The following SFSWAP variants were observed in gnomAD, a reference collection of about 807,000 sequenced individuals.
SFSWAP encodes the protein splicing factor SWAP.
Under a neutral mutation model 100.7 loss-of-function variants are expected in SFSWAP, and 17 were observed. The observed-to-expected ratio is 0.17, with a 90% CI of 0.12 to 0.25. The LOEUF (loss-of-function observed/expected upper bound fraction) is 0.25, where lower values mean the gene tolerates loss of function less well. Among genes scored for constraint, SFSWAP ranks in the 10% least tolerant of loss-of-function variants. SFSWAP has a pLI of 1.00. For synonymous variants in SFSWAP, 504 were observed against 510.1 expected, an observed-to-expected ratio of 0.99 and a Z score of 0.16; for missense variants, 1,005 against 1,262.6, an observed-to-expected ratio of 0.80 and a Z score of 3.09.
In SFSWAP at chr12:131,730,783, A is replaced by G. The variant is rs537682056; in HGVS notation, c.1081+2355A>G. 5.3e-5 allele frequency among the ~76,000 whole-genome samples: 8 copies of G among 152,034 alleles called. No individual in the cohort carries two copies. The East Asian group carries it at 1.4e-3, about 26-fold the overall frequency. ...CTGGGCACTGACGGCACCCCACCCT[A>G]TCCTCCCAACTGCAAGGGCTCTAGT... On this transcript the variant is annotated intron_variant, in intron 7 of 17. Transcript: ENST00000261674. The surrounding 1 kb of genome is among the most constrained non-coding windows in gnomAD (Gnocchi z 4.0).
intron 4 of SFSWAP, among the ~76,000 whole-genome samples, chr12:131,724,727 TG>T (rs1356848610): frequency 6.6e-6 from 1 of 152,208 alleles, no homozygotes; most frequent in Non-Finnish European, 1.5e-5. Context: ...CATGAAGGGA[TG>T]GGGGAGGGCT....
chr12:131,726,700 A>G (rs1426009978), intron 5 of SFSWAP, among the ~76,000 whole-genome samples: 2 of 152,254 alleles, frequency 1.3e-5, no homozygotes, highest in Non-Finnish European at 2.9e-5. Context: ...AAGAAAGCAT[A>G]CAGAGCCCCA....
At chr12:131,751,901 G>A (rs373484446) in intron 7 of SFSWAP, among the ~76,000 whole-genome samples, 6 of 152,176 alleles carry the variant, frequency 3.9e-5, no homozygotes, top group Non-Finnish European at 7.3e-5. Flanking sequence ...GGAGCACATC[G>A]AACCCACTTA....
intron 11 of SFSWAP, among the ~76,000 whole-genome samples, chr12:131,763,658 G>T (rs549574090): frequency 5.8e-4 from 88 of 152,264 alleles, no homozygotes; most frequent in Admixed American, 1.8e-3. Context: ...CACAAAGTAG[G>T]TAAAAATGTT....
At chr12:131,748,348 C>T (rs915939812) in intron 7 of SFSWAP, among the ~76,000 whole-genome samples, 4 of 151,768 alleles carry the variant, frequency 2.6e-5, no homozygotes, top group Non-Finnish European at 5.9e-5. Context: ...TTAGTAGAGA[C>T]GGAGTTTCAC....
intron 11 of SFSWAP, among the ~76,000 whole-genome samples, chr12:131,762,202 C>T (rs61942904): frequency 0.075 from 11,410 of 151,868 alleles, 488 homozygotes; most frequent in Middle Eastern, 0.12. Flanking sequence ...CTTTGCACTT[C>T]AGCCTGGGCG....
chr12:131,759,893 C>G (rs1406752638), intron 11 of SFSWAP, among the ~76,000 whole-genome samples: 1 of 152,118 alleles, frequency 6.6e-6, no homozygotes, highest in African/African-American at 2.4e-5. Context: ...ATGAGAAGAC[C>G]TTCTAGTATA....
At chr12:131,786,726 A>G (rs1220151434) in intron 15 of SFSWAP, 138 bp downstream of exon 15, 5 of 841,126 alleles carry the variant, frequency 5.9e-6, no homozygotes, top group Admixed American at 2.7e-5. Flanking sequence ...CCACCCCCCC[A>G]CCCCCAGTGG....
intron 13 of SFSWAP, among the ~76,000 whole-genome samples, chr12:131,768,725 C>T (rs975056337): frequency 2.6e-5 from 4 of 152,194 alleles, no homozygotes; most frequent in Admixed American, 6.5e-5. Flanking sequence ...CCCCCCGGGA[C>T]GCCGTCTCAC....
chr12:131,753,075 C>G (rs746229784), intron 7 of SFSWAP, 48 bp from the exon 8 acceptor site: 14 of 1,605,086 alleles, frequency 8.7e-6, no homozygotes, highest in Non-Finnish European at 1.2e-5. Context: ...GACTCATGGA[C>G]CAGCCTGTGG....
intron 8 of SFSWAP, 98 bp downstream of exon 8, chr12:131,753,461 ATATACAGGGGTCCCC>A (rs1881860409): frequency 6.9e-7 from 1 of 1,439,726 alleles, no homozygotes; most frequent in Non-Finnish European, 9.2e-7. Context: ...AATCTAGATC[ATATACAGGGGTCCCC>A]ATTGTCTGAG....
intron 13 of SFSWAP, among the ~76,000 whole-genome samples, chr12:131,776,649 G>T (rs141002938): frequency 1.3e-5 from 2 of 152,240 alleles, no homozygotes; most frequent in Non-Finnish European, 2.9e-5. Context: ...GCCGTCCTGC[G>T]CACACTGCCG....
At chr12:131,775,588 C>T (rs1883956562) in intron 13 of SFSWAP, among the ~76,000 whole-genome samples, 1 of 152,186 alleles carries the variant, frequency 6.6e-6, no homozygotes, top group African/African-American at 2.4e-5. Flanking sequence ...AGCCCTCTCC[C>T]TTTCGGTGTG....
intron 7 of SFSWAP, among the ~76,000 whole-genome samples, chr12:131,750,690 T>G (rs919288200): frequency 1.3e-5 from 2 of 152,148 alleles, no homozygotes; most frequent in Non-Finnish European, 2.9e-5. Flanking sequence ...AGGCAGCCTT[T>G]TTTTCTTTTT....
chr12:131,760,664 TA>T (rs991864230), intron 11 of SFSWAP, among the ~76,000 whole-genome samples: 3 of 151,588 alleles, frequency 2.0e-5, no homozygotes, highest in African/African-American at 4.9e-5. Context: ...TTTTTAAAAT[TA>T]AAAAAAAACT....
chr12:131,766,078 T>G, intron 12 of SFSWAP, 40 bp from the exon 13 acceptor site: 3 of 1,562,388 alleles, frequency 1.9e-6, no homozygotes, highest in Non-Finnish European at 2.6e-6. Context: ...AAAATACTGT[T>G]TGCTCTAAAC....
chr12:131,760,797 G>T (rs560377618), intron 11 of SFSWAP, among the ~76,000 whole-genome samples: 77 of 152,334 alleles, frequency 5.1e-4, no homozygotes, highest in African/African-American at 1.7e-3. Flanking sequence ...GCTGGGGCCA[G>T]ACATGGTGGC....
intron 15 of SFSWAP, among the ~76,000 whole-genome samples, chr12:131,793,670 G>A (rs541969057): frequency 1.9e-4 from 29 of 152,206 alleles, no homozygotes; most frequent in Non-Finnish European, 1.8e-4. Flanking sequence ...TGAATAGGCA[G>A]GCCGCAGGCT....
chr12:131,713,986 A>G (rs529229726), intron 1 of SFSWAP, 85 bp from the exon 2 acceptor site: 13 of 852,304 alleles, frequency 1.5e-5, no homozygotes, highest in Admixed American at 4.8e-5. Flanking sequence ...GTGTGTGTAT[A>G]TATATATACA....
Sources: allele counts gnomAD v4.1 joint callset (sites outside exome capture counted in the v4.1 genomes callset), GRCh38; gene constraint gnomAD v4.1.1; non-coding constraint Gnocchi (gnomAD v3.1); transcripts MANE v1.5; gene names NCBI Gene and HGNC (gene_info 2026-07-23, HGNC 2026-07-21).